Variants in IQSEC1 observed in about 807,000 individuals in gnomAD.
IQSEC1 encodes IQ motif and SEC7 domain-containing protein 1.
In IQSEC1, 31 loss-of-function variants were observed where a neutral mutation model predicts 91.0. The ratio of observed to expected loss-of-function variants is 0.34; its 90% CI spans 0.26 to 0.46. IQSEC1 has a LOEUF of 0.46. IQSEC1 is among the 20% of genes least tolerant of loss of function. IQSEC1 has a pLI of 1.00. For missense variants in IQSEC1, 1,388 were observed against 1,575.6 expected, an observed-to-expected ratio of 0.88 and a Z score of 2.02; for synonymous variants, 699 against 662.6, an observed-to-expected ratio of 1.05 and a Z score of -0.84.
At chr3:12,954,436 C>T (rs1260549419) in intron 1 of IQSEC1, among the ~76,000 whole-genome samples, 1 of 152,124 alleles carries the variant, frequency 6.6e-6, no homozygotes, top group Non-Finnish European at 1.5e-5. Context: ...CTGGGAGAGG[C>T]CCTGGGGCAT....
chr3:13,080,580 G>A (rs1000308869), intron 2 of IQSEC1, among the ~76,000 whole-genome samples: 1 of 151,978 alleles, frequency 6.6e-6, no homozygotes, highest in Non-Finnish European at 1.5e-5. Flanking sequence ...GTGAAGAGAG[G>A]TCAGACAGAG....
Position 12,898,448 on chromosome 3 carries a change from G to C in IQSEC1, c.*2535C>G, listed in dbSNP as rs529815065. 6 of 152,382 alleles carry C rather than the reference G, an allele frequency of 3.9e-5. No individual in the cohort carries two copies. The highest frequency in any genetic ancestry group is 1.4e-4 in the African/African-American group (6 of 41,590). 9.4% of individuals were successfully genotyped at this position (152,382 alleles called of 1,614,324 possible). Reference sequence around the variant, plus strand: ...CCAGCAGTTCCTTACGCGAGGCCCTGCTGCCCAGCACAGCTCCAGGACACA... The same window carrying C: ...CCAGCAGTTCCTTACGCGAGGCCCTCCTGCCCAGCACAGCTCCAGGACACA... On this transcript the variant is annotated 3_prime_UTR_variant, in exon 14 of 14. Coordinates refer to ENST00000613206, the MANE Select transcript of IQSEC1 (RefSeq NM_001134382.3).
chr3:12,904,733 C>T (rs533478529), intron 12 of IQSEC1, among the ~76,000 whole-genome samples: 1 of 152,316 alleles, frequency 6.6e-6, no homozygotes, highest in East Asian at 1.9e-4. Context: ...TGGGACTCCT[C>T]TGGCTGACTA....
At chr3:12,918,413 A>G (rs1696310246) in intron 6 of IQSEC1, among the ~76,000 whole-genome samples, 1 of 152,186 alleles carries the variant, frequency 6.6e-6, no homozygotes, top group Non-Finnish European at 1.5e-5. Flanking sequence ...CTGACTCAGC[A>G]GCCCTGCCCT....
chr3:12,936,912 C>T (rs930691892), intron 2 of IQSEC1, among the ~76,000 whole-genome samples: 6 of 151,934 alleles, frequency 3.9e-5, no homozygotes, highest in Admixed American at 6.6e-5. Context: ...ATGAGTGCAA[C>T]CATGTTTTTC....
intron 12 of IQSEC1, among the ~76,000 whole-genome samples, chr3:12,903,896 C>T (rs1416175879): frequency 6.6e-6 from 1 of 152,232 alleles, no homozygotes; most frequent in East Asian, 1.9e-4. Context: ...GAGAGAGGAA[C>T]ACTGAGGCCC....
Position 13,073,061 on chromosome 3 carries a change from G to GAGGC in IQSEC1, c.-51_-48dup. On this transcript the variant is annotated 5_prime_UTR_variant, in exon 1 of 14. Coordinates refer to ENST00000613206, the MANE Select transcript of IQSEC1 (RefSeq NM_001134382.3). Reference sequence around the variant, plus strand: ...CTGTTCTGGCTCCCTCTCCAGCGGGGAGGCTCAACGTGTTTCCAAGAGGAG... The same window carrying GAGGC: ...CTGTTCTGGCTCCCTCTCCAGCGGGGAGGCAGGCTCAACGTGTTTCCAAGAGGAG... 6.4e-7 allele frequency: 1 copy of GAGGC among 1,551,456 alleles called. No homozygotes were observed. The highest frequency in any genetic ancestry group is 2.4e-5 in the East Asian group (1 of 40,908).
Position 12,977,733 on chromosome 3 carries a change from TG to T in IQSEC1, c.24-35869del, listed in dbSNP as rs551073007. ...GTGCTGGGTTCACCTGTTTTGTAAA[TG>T]GATGCCATTAAGTGCTCCTAAATCA... On this transcript the variant is annotated intron_variant, in intron 1 of 13. Coordinates refer to ENST00000613206, the MANE Select transcript of IQSEC1 (RefSeq NM_001134382.3). 6.9e-3 allele frequency among the ~76,000 whole-genome samples: 1,053 copies of T among 152,366 alleles called. 17 individuals carry two copies. Among genetic ancestry groups the T allele is most frequent in the Non-Finnish European group, 6.2e-3 (421 of 68,038 alleles).
intron 2 of IQSEC1, among the ~76,000 whole-genome samples, chr3:13,099,183 G>A (rs574929355): frequency 6.6e-6 from 1 of 152,292 alleles, no homozygotes; most frequent in East Asian, 1.9e-4. Context: ...GTGTAGCCCT[G>A]GGGGCCATAG....
At chr3:13,060,158 G>C (rs1024344658) in intron 1 of IQSEC1, among the ~76,000 whole-genome samples, 2 of 152,222 alleles carry the variant, frequency 1.3e-5, no homozygotes, top group African/African-American at 2.4e-5. Context: ...AGAGGAACAA[G>C]CTGGGGCTCA....
At chr3:13,212,766 CTAA>C (rs1694470016) in intron 1 of IQSEC1, among the ~76,000 whole-genome samples, 1 of 152,186 alleles carries the variant, frequency 6.6e-6, no homozygotes, top group Non-Finnish European at 1.5e-5. Flanking sequence ...TCCTTGGTGG[CTAA>C]TGATGGCAAG....
At chr3:13,219,087 GC>G (rs1463575611) in intron 1 of IQSEC1, among the ~76,000 whole-genome samples, 1 of 152,126 alleles carries the variant, frequency 6.6e-6, no homozygotes, top group African/African-American at 2.4e-5. Flanking sequence ...GCTGCCTCGG[GC>G]CCTTCTACAA....
At chr3:12,998,605 A>T (rs1702306936) in intron 1 of IQSEC1, among the ~76,000 whole-genome samples, 1 of 152,212 alleles carries the variant, frequency 6.6e-6, no homozygotes, top group Admixed American at 6.5e-5. Flanking sequence ...GGGTTAATGT[A>T]GCAAGGGTCC....
intron 1 of IQSEC1, among the ~76,000 whole-genome samples, chr3:13,043,671 G>A (rs1309230863): frequency 2.0e-5 from 3 of 152,144 alleles, no homozygotes; most frequent in South Asian, 2.1e-4. Flanking sequence ...TACAAGCAAC[G>A]ACTCCAGGGC....
At chr3:13,054,119 A>T (rs1459055738) in intron 1 of IQSEC1, among the ~76,000 whole-genome samples, 1 of 152,192 alleles carries the variant, frequency 6.6e-6, no homozygotes, top group Admixed American at 6.5e-5. Context: ...TCCCCTGCCC[A>T]CGGTGGGTGT....
intron 1 of IQSEC1, among the ~76,000 whole-genome samples, chr3:12,963,145 G>A (rs777848763): frequency 1.3e-5 from 2 of 152,236 alleles, no homozygotes; most frequent in Non-Finnish European, 2.9e-5. Flanking sequence ...TTTGAACAAA[G>A]AGGAAAAAAC....
chr3:13,092,142 C>CTA (rs1238784691), intron 2 of IQSEC1, among the ~76,000 whole-genome samples: 2 of 152,150 alleles, frequency 1.3e-5, no homozygotes, highest in Admixed American at 6.5e-5. Context: ...TCAAAAGGGG[C>CTA]TAGTGAGATG....
At chr3:12,975,355 TC>T (rs755661433) in intron 1 of IQSEC1, among the ~76,000 whole-genome samples, 1 of 152,212 alleles carries the variant, frequency 6.6e-6, no homozygotes, top group Non-Finnish European at 1.5e-5. Flanking sequence ...GGTTTGGTCT[TC>T]CTAAGCCTCC....
intron 1 of IQSEC1, among the ~76,000 whole-genome samples, chr3:13,009,508 C>T (rs546306850): frequency 1.3e-5 from 2 of 152,122 alleles, no homozygotes; most frequent in African/African-American, 4.8e-5. Flanking sequence ...TCCCTTTGAC[C>T]ACTTCCTGGG....
Sources: allele counts gnomAD v4.1 joint callset (sites outside exome capture counted in the v4.1 genomes callset), GRCh38; gene constraint gnomAD v4.1.1; transcripts MANE v1.5; gene names NCBI Gene and HGNC (gene_info 2026-07-23, HGNC 2026-07-21).